The following TOP1 variants were observed in gnomAD, a reference collection of about 807,000 sequenced individuals.
The protein encoded by TOP1 is DNA topoisomerase 1.
TOP1 carries 10 observed loss-of-function variants against 111.1 expected under a neutral mutation model. That is an observed-to-expected ratio of 0.09 (90% CI 0.06 to 0.15). The LOEUF (loss-of-function observed/expected upper bound fraction) is 0.15, where lower values mean the gene tolerates loss of function less well. Among genes scored for constraint, TOP1 ranks in the 10% least tolerant of loss-of-function variants. The pLI, the probability that TOP1 is intolerant of heterozygous loss-of-function variation, is 1.00. For missense variants in TOP1, 474 were observed against 926.7 expected, an observed-to-expected ratio of 0.51 and a Z score of 6.34; for synonymous variants, 271 against 302.9, an observed-to-expected ratio of 0.89 and a Z score of 1.10.
chr20:41,036,832 C>CTTTTTT (rs56013409), intron 2 of TOP1, among the ~76,000 whole-genome samples: 5 of 128,226 alleles, frequency 3.9e-5, no homozygotes, highest in Admixed American at 8.3e-5. Flanking sequence ...TCCTACTTTT[C>CTTTTTT]TTTTTTTTTT....
At chr20:41,081,732 GTC>G (rs2033791291) in intron 7 of TOP1, among the ~76,000 whole-genome samples, 1 of 152,094 alleles carries the variant, frequency 6.6e-6, no homozygotes, top group Non-Finnish European at 1.5e-5. Flanking sequence ...TGCATCTTGT[GTC>G]TCTCTTCATC....
intron 2 of TOP1, among the ~76,000 whole-genome samples, chr20:41,036,029 GCAC>G (rs1297202551): frequency 1.3e-5 from 2 of 152,146 alleles, no homozygotes; most frequent in Non-Finnish European, 2.9e-5. Context: ...AACTTATTAG[GCAC>G]CACATTTTTA....
rs1209810235 is a variant in TOP1, at chr20:41,115,838, C to A, written c.1707+399C>A. Among the ~76,000 whole-genome samples, 1 of 152,188 alleles carries A rather than the reference C, an allele frequency of 6.6e-6. No individual in the cohort carries two copies. ...CCTGGGCCAGGCTTGGTGGCTTACGCCTGTTATCCCAGCACTTTGAGAGGT... is the reference window on the plus strand; with the variant it reads ...CCTGGGCCAGGCTTGGTGGCTTACGACTGTTATCCCAGCACTTTGAGAGGT... On this transcript the variant is annotated intron_variant, in intron 16 of 20. Transcript: ENST00000361337. The surrounding 1 kb of genome is among the most constrained non-coding windows in gnomAD (Gnocchi z 6.3).
In TOP1 at chr20:41,079,653, T is replaced by C. The variant is rs528072681; in HGVS notation, c.336-432T>C. ...ACTTTAAGGTACTAAGTTGGGGAAA[T>C]CAATGTTTATTCCTTTCCTTGTAAA... On this transcript the variant is annotated intron_variant, in intron 5 of 20. Transcript: ENST00000361337. This position sits in a 1 kb window ranked among gnomAD's most constrained non-coding sequence, Gnocchi z 4.0. Among the ~76,000 whole-genome samples, 1 of 152,334 alleles carries C rather than the reference T, an allele frequency of 6.6e-6. No homozygotes were observed. Among genetic ancestry groups the C allele is most frequent in the Non-Finnish European group, 1.5e-5 (1 of 68,028 alleles).
intron 2 of TOP1, among the ~76,000 whole-genome samples, chr20:41,057,723 A>T (rs1488761061): frequency 6.6e-6 from 1 of 152,200 alleles, no homozygotes; most frequent in Non-Finnish European, 1.5e-5. Context: ...TTGTTGAATT[A>T]TACACAGAGT....
intron 13 of TOP1, among the ~76,000 whole-genome samples, chr20:41,105,848 T>C (rs1854450930): frequency 6.6e-6 from 1 of 152,200 alleles, no homozygotes; most frequent in African/African-American, 2.4e-5. Context: ...CTTGCCCTCA[T>C]AAACAGTGCT....
intron 13 of TOP1, among the ~76,000 whole-genome samples, chr20:41,107,854 G>A (rs1168117100): frequency 6.6e-6 from 1 of 152,014 alleles, no homozygotes; most frequent in Non-Finnish European, 1.5e-5. Context: ...GTCTTGGAGG[G>A]AGTCTCTTAG....
At chr20:41,090,726 G>A (rs1317617837) in intron 8 of TOP1, among the ~76,000 whole-genome samples, 1 of 152,072 alleles carries the variant, frequency 6.6e-6, no homozygotes, top group Non-Finnish European at 1.5e-5. Flanking sequence ...GGCTGGTCTC[G>A]AACTCTTGTC....
chr20:41,052,428 G>A (rs1438093566), intron 2 of TOP1, among the ~76,000 whole-genome samples: 1 of 152,184 alleles, frequency 6.6e-6, no homozygotes, highest in Non-Finnish European at 1.5e-5. Flanking sequence ...TCCCTATGGA[G>A]AATGAACTTT....
Position 41,098,430 on chromosome 20 carries a change from T to A in TOP1, c.975+93T>A. 7.5e-7 allele frequency: 1 copy of A among 1,333,892 alleles called. No homozygotes were observed. Among genetic ancestry groups the A allele is most frequent in the Non-Finnish European group, 1.0e-6 (1 of 960,606 alleles). 82.6% of individuals were successfully genotyped at this position (1,333,892 alleles called of 1,614,324 possible). On this transcript the variant is annotated intron_variant, in intron 11 of 20. Transcript: ENST00000361337. This position sits in a 1 kb window ranked among gnomAD's most constrained non-coding sequence, Gnocchi z 5.7. ...TGGTTCTTATGACACAACATTAACA[T>A]CAGTAATTTCACATCATTCTATGCT...
Position 41,073,707 on chromosome 20 carries a change from T to C in TOP1, c.156-2464T>C, listed in dbSNP as rs148123281. ...AAGTCTTTTAACCATTGTCTCCTGT[T>C]TGTATCAGCATGAGGGGATAGATAA... is the stretch of plus-strand genomic sequence containing the variant. On this transcript the variant is annotated intron_variant, in intron 3 of 20. Coordinates refer to ENST00000361337, the MANE Select transcript of TOP1 (RefSeq NM_003286.4). Among the ~76,000 whole-genome samples, 3 of 152,336 alleles carry C rather than the reference T, an allele frequency of 2.0e-5. No individual in the cohort carries two copies. In the East Asian group the frequency reaches 5.8e-4, roughly 29 times the overall value.
At chr20:41,090,974 T>C (rs1448045516) in intron 8 of TOP1, among the ~76,000 whole-genome samples, 1 of 152,364 alleles carries the variant, frequency 6.6e-6, no homozygotes, top group East Asian at 1.9e-4. Context: ...TTGTGTATAA[T>C]GTAAAGACCC....
chr20:41,089,358 C>T (rs2033890541), intron 8 of TOP1, among the ~76,000 whole-genome samples: 1 of 152,144 alleles, frequency 6.6e-6, no homozygotes, highest in South Asian at 2.1e-4. Flanking sequence ...CACCATTCTA[C>T]TTTCTGTCTC....
intron 8 of TOP1, among the ~76,000 whole-genome samples, chr20:41,091,746 G>A (rs762144651): frequency 6.6e-6 from 1 of 151,662 alleles, no homozygotes; most frequent in Non-Finnish European, 1.5e-5. Flanking sequence ...TAGTAGAGAC[G>A]GAGTTTCACC....
chr20:41,122,236 C>T lies in TOP1; in HGVS notation c.2195+81C>T, dbSNP rs2034434909. 6.3e-6 allele frequency: 9 copies of T among 1,426,844 alleles called. No individual in the cohort carries two copies. In the Admixed American group the frequency reaches 1.3e-4, roughly 20 times the overall value. 88.4% of individuals were successfully genotyped at this position (1,426,844 alleles called of 1,614,324 possible). A position where few individuals can be genotyped will look rare whatever the true frequency, so the allele number is the denominator to read the frequency against. On this transcript the variant is annotated intron_variant, in intron 20 of 20. Coordinates refer to ENST00000361337, the MANE Select transcript of TOP1 (RefSeq NM_003286.4). This position sits in a 1 kb window ranked among gnomAD's most constrained non-coding sequence, Gnocchi z 5.4. ...GTTCCGAGAGCACTGGTGGCCTTCA[C>T]ATGCCATTCCTAAGCTACACACTTT...
Position 41,079,053 on chromosome 20 carries a change from A to T in TOP1, c.336-1032A>T, listed in dbSNP as rs1344840106. Among the ~76,000 whole-genome samples the T allele has an allele frequency of 6.6e-6, 1 of 152,200 alleles. No individual in the cohort carries two copies. The highest frequency in any genetic ancestry group is 6.5e-5 in the Admixed American group (1 of 15,286). On this transcript the variant is annotated intron_variant, in intron 5 of 20. Coordinates refer to ENST00000361337, the MANE Select transcript of TOP1 (RefSeq NM_003286.4). This position sits in a 1 kb window ranked among gnomAD's most constrained non-coding sequence, Gnocchi z 4.0. The stretch of plus-strand genomic sequence containing the variant: ...TGTCAGTATTCAGGCAGGAGGGGGA[A>T]CAGCTGTAGAAGCTGGCATTTGGTT...
At position 41,101,812 on chromosome 20, in the gene TOP1, C is replaced by G. The variant is rs1430011963; in HGVS notation, c.1308+459C>G. On this transcript the variant is annotated intron_variant, in intron 13 of 20. Coordinates refer to ENST00000361337, the MANE Select transcript of TOP1 (RefSeq NM_003286.4). This position sits in a 1 kb window ranked among gnomAD's most constrained non-coding sequence, Gnocchi z 4.1. ...ACAAGTTGTAAAATCTAATGTCTTA[C>G]ATACTTCTGGCTTCCTGCAGTCTCA... 1.3e-5 allele frequency among the ~76,000 whole-genome samples: 2 copies of G among 152,226 alleles called. No homozygotes were observed. The highest frequency in any genetic ancestry group is 2.9e-5 in the Non-Finnish European group (2 of 68,042).
intron 17 of TOP1, among the ~76,000 whole-genome samples, chr20:41,117,454 C>T (rs1196380342): frequency 7.7e-6 from 1 of 130,082 alleles, no homozygotes; most frequent in Non-Finnish European, 1.5e-5. Context: ...GGCGCGATCT[C>T]GGCTCACTGC....
chr20:41,062,663 A>G (rs1051429018), intron 3 of TOP1, among the ~76,000 whole-genome samples: 3 of 152,220 alleles, frequency 2.0e-5, no homozygotes, highest in Non-Finnish European at 4.4e-5. Context: ...ACCCATTAGG[A>G]GAACATAGCA....
Sources: gnomAD v4.1 joint callset for allele counts (sites outside exome capture counted in the v4.1 genomes callset) on GRCh38, gnomAD v4.1.1 for gene constraint, Gnocchi (gnomAD v3.1) non-coding constraint, MANE v1.5 for transcripts, NCBI Gene and HGNC (gene_info 2026-07-23, HGNC 2026-07-21) for gene names.